DNAH17: variants seen among roughly 807,000 people sequenced by gnomAD.
DNAH17 encodes the protein dynein axonemal heavy chain 17.
DNAH17 carries 376 observed loss-of-function variants against 485.6 expected under a neutral mutation model. The ratio of observed to expected loss-of-function variants is 0.77; its 90% CI spans 0.71 to 0.84. The LOEUF is 0.84. Among genes scored for constraint, DNAH17 ranks in the 40% least tolerant of loss-of-function variants. The probability of loss-of-function intolerance (pLI) is 0.00; values close to 1 mark genes in which losing one functional copy is unlikely to be tolerated. For synonymous variants in DNAH17, 3,031 were observed against 2,405.9 expected, an observed-to-expected ratio of 1.26 and a Z score of -7.60; for missense variants, 6,370 against 5,839.3, an observed-to-expected ratio of 1.09 and a Z score of -2.96.
At position 78,543,703 on chromosome 17, in the gene DNAH17, G is replaced by A. The variant is rs1315048871; in HGVS notation, c.2532+154C>T. On this transcript the variant is annotated intron_variant, in intron 17 of 80. Coordinates refer to ENST00000389840, the MANE Select transcript of DNAH17 (RefSeq NM_173628.4). The stretch of plus-strand genomic sequence containing the variant: ...GCCTCCCAGAGTGCTGGGATTACAG[G>A]TGAGAGCCACTGCATCCAGCCAGGT... 4.4e-6 allele frequency: 5 copies of A among 1,141,394 alleles called. No homozygotes were observed. The Admixed American group carries it at 8.6e-5, about 20-fold the overall frequency. 70.7% of individuals were successfully genotyped at this position (1,141,394 alleles called of 1,614,324 possible).
chr17:78,561,120 G>A (rs901741735), intron 12 of DNAH17, among the ~76,000 whole-genome samples, 185 bp from the exon 13 acceptor site: 19 of 152,082 alleles, frequency 1.2e-4, no homozygotes, highest in African/African-American at 4.6e-4. Flanking sequence ...ACTCCGACCT[G>A]CAGTCTGCAG....
intron 37 of DNAH17, among the ~76,000 whole-genome samples, chr17:78,496,380 A>G (rs565153878): frequency 2.7e-5 from 4 of 150,174 alleles, no homozygotes; most frequent in Non-Finnish European, 5.9e-5. Context: ...AAAAAATACA[A>G]AGGCAATTCT....
At chr17:78,535,553 C>T (rs189178054) in intron 19 of DNAH17, among the ~76,000 whole-genome samples, 83 of 152,334 alleles carry the variant, frequency 5.4e-4, no homozygotes, top group South Asian at 3.7e-3. Flanking sequence ...AGCACACGCA[C>T]ATCCCTCCCT....
chr17:78,571,247 G>A (rs143003998), intron 5 of DNAH17, 32 bp downstream of exon 5: 15 of 1,581,194 alleles, frequency 9.5e-6, no homozygotes, highest in East Asian at 6.8e-5. Flanking sequence ...AAACAGCTTC[G>A]TGCAGAACTC....
intron 17 of DNAH17, among the ~76,000 whole-genome samples, chr17:78,543,114 G>A (rs1417171117): frequency 6.6e-6 from 1 of 150,736 alleles, no homozygotes; most frequent in Non-Finnish European, 1.5e-5. Flanking sequence ...AAAGATCATA[G>A]GTTTTGTTTT....
At chr17:78,459,566 G>C (rs1233488138) in intron 60 of DNAH17, among the ~76,000 whole-genome samples, 2 of 152,206 alleles carry the variant, frequency 1.3e-5, no homozygotes, top group African/African-American at 2.4e-5. Context: ...GCTGACCTCT[G>C]TGGGGCCTGG....
In DNAH17 at chr17:78,569,104, G is replaced by A. The variant is rs528857617; in HGVS notation, c.1284+62C>T. 98 of 1,312,692 alleles carry A rather than the reference G, an allele frequency of 7.5e-5. No homozygotes were observed. The Admixed American group carries it at 8.9e-4, about 12-fold the overall frequency. The allele number at this position is 1,312,692 out of a possible 1,614,324, so 81.3% of individuals were successfully genotyped here. On this transcript the variant is annotated intron_variant, in intron 9 of 80. Coordinates refer to ENST00000389840, the MANE Select transcript of DNAH17 (RefSeq NM_173628.4). ...AGGGGGGTAGGGATGGACGCTGCAG[G>A]TGTCCTAGGGTAGGAGCAGTCTGGG...
Position 78,466,782 on chromosome 17 carries a change from A to T in DNAH17, c.8813T>A (p.Leu2938Gln). The change falls in exon 56 of 81, where the codon CTG (leucine) becomes CAG (glutamine). Residue 2938 changes from leucine to glutamine, a missense_variant. Leu to Gln is a moderately radical substitution (Grantham distance 113, BLOSUM62 -2). Coordinates refer to ENST00000389840, the MANE Select transcript of DNAH17 (RefSeq NM_173628.4). ...ILCFSPVGSV[L>Q]RVRARKFPAV... Reference sequence around the variant, plus strand: ...TGGGAACTTTCTGGCTCGTACCCGCAGCACGGAGCCCACAGGGGAGAAACA... The same window carrying T: ...TGGGAACTTTCTGGCTCGTACCCGCTGCACGGAGCCCACAGGGGAGAAACA... 1 of 1,604,000 alleles carries T rather than the reference A, an allele frequency of 6.2e-7. No homozygotes were observed. Among genetic ancestry groups the T allele is most frequent in the Non-Finnish European group, 8.5e-7 (1 of 1,175,580 alleles).
chr17:78,475,843 GA>G lies in DNAH17; in HGVS notation c.8155-11del, dbSNP rs202011737. On this transcript the variant is annotated splice_polypyrimidine_tract_variant and intron_variant, in intron 52 of 80. Coordinates refer to ENST00000389840, the MANE Select transcript of DNAH17 (RefSeq NM_173628.4). ...GTTCATCACCAAGATCCTAGAAAAAGAAAAAAAAAGACGATACTTCCGGTTT... is the reference window on the plus strand; with the variant it reads ...GTTCATCACCAAGATCCTAGAAAAAGAAAAAAAAGACGATACTTCCGGTTT... The G allele has an allele frequency of 7.6e-6, 12 of 1,580,630 alleles. No individual in the cohort carries two copies. The highest frequency in any genetic ancestry group is 7.5e-5 in the Admixed American group (4 of 53,192).
chr17:78,457,203 T>C (rs572193135), intron 62 of DNAH17, among the ~76,000 whole-genome samples: 1 of 152,264 alleles, frequency 6.6e-6, no homozygotes, highest in African/African-American at 2.4e-5. Flanking sequence ...AAACCCTGTC[T>C]CTACTAAAAA....
chr17:78,460,373 AGT>A (rs2088052386), intron 58 of DNAH17, 116 bp from the exon 59 acceptor site: 2 of 250,994 alleles, frequency 8.0e-6, no homozygotes, highest in Admixed American at 6.5e-5. Flanking sequence ...CACGTGCATG[AGT>A]GTATGTGTGC....
chr17:78,492,675 G>A lies in DNAH17; in HGVS notation c.6499C>T (p.Leu2167Phe). 6.2e-7 allele frequency: 1 copy of A among 1,613,684 alleles called. No individual in the cohort carries two copies. The highest frequency in any genetic ancestry group is 8.5e-7 in the Non-Finnish European group (1 of 1,179,814). Reference protein sequence around the residue: ...LDPKAVTCDELFGIINPVTRE... With the variant: ...LDPKAVTCDEFFGIINPVTRE... ...GTCACTGGGTTGATGATGCCAAAGA[G>A]CTCGTCGCAGGTGACGGCCTTGGGG... The change falls in exon 42 of 81, where the codon CTC becomes TTC. Residue 2167 changes from leucine to phenylalanine, a missense_variant. By Grantham distance (22) the Leu-to-Phe change is conservative (BLOSUM62 0). Coordinates refer to ENST00000389840, the MANE Select transcript of DNAH17 (RefSeq NM_173628.4).
intron 15 of DNAH17, 105 bp from the exon 16 acceptor site, chr17:78,551,743 C>A: frequency 1.8e-6 from 2 of 1,087,586 alleles, no homozygotes; most frequent in South Asian, 2.7e-5. Context: ...GCAGGCGAAT[C>A]ACGAGGTCGG....
At chr17:78,533,196 C>T in intron 19 of DNAH17, 1 of 186,914 alleles carries the variant, frequency 5.4e-6, no homozygotes, top group East Asian at 1.4e-4. Context: ...CTCGCTCTCA[C>T]TGCGTACCAC....
chr17:78,490,999 G>A (rs954891038), intron 43 of DNAH17, among the ~76,000 whole-genome samples, 152 bp from the exon 44 acceptor site: 8 of 152,080 alleles, frequency 5.3e-5, no homozygotes, highest in Non-Finnish European at 1.0e-4. Context: ...CTAGTCCCTT[G>A]GCCCAGGGCT....
intron 14 of DNAH17, among the ~76,000 whole-genome samples, chr17:78,553,362 C>T (rs978905803): frequency 2.0e-4 from 24 of 121,386 alleles, no homozygotes; most frequent in Non-Finnish European, 3.3e-4. Context: ...AGTACAGTGG[C>T]GTGATCTTGG....
intron 18 of DNAH17, among the ~76,000 whole-genome samples, 184 bp from the exon 19 acceptor site, chr17:78,537,665 C>CAGCCA (rs1310172761): frequency 6.6e-6 from 1 of 152,222 alleles, no homozygotes; most frequent in Non-Finnish European, 1.5e-5. Flanking sequence ...GCCAAATGTA[C>CAGCCA]AGCCACAAGG....
At chr17:78,570,879 G>A (rs78385018) in intron 6 of DNAH17, 69 bp downstream of exon 6, 37,192 of 464,524 alleles carry the variant, frequency 0.08, 2,109 homozygotes, top group Admixed American at 0.17. Flanking sequence ...AAAAAAAAAA[G>A]AAAAAAGAAA....
At chr17:78,434,273 G>T in intron 74 of DNAH17, 53 bp from the exon 75 acceptor site, 1 of 1,538,388 alleles carries the variant, frequency 6.5e-7, no homozygotes. Flanking sequence ...AGTTTACACA[G>T]AAATGCCCCT....
Sources: gnomAD v4.1 joint callset for allele counts (sites outside exome capture counted in the v4.1 genomes callset) on GRCh38, gnomAD v4.1.1 for gene constraint, MANE v1.5 for transcripts, NCBI Gene and HGNC (gene_info 2026-07-23, HGNC 2026-07-21) for gene names.